CBX5: variants seen among roughly 807,000 people sequenced by gnomAD.
The protein encoded by CBX5 is chromobox protein homolog 5.
A neutral mutation model predicts 20.7 loss-of-function variants in CBX5; 7 were observed. The ratio of observed to expected loss-of-function variants is 0.34; its 90% CI spans 0.19 to 0.63. The LOEUF is 0.63. Among genes scored for constraint, CBX5 ranks in the 30% least tolerant of loss-of-function variants. The pLI is 0.75. For synonymous variants in CBX5, 78 were observed against 77.0 expected (o/e 1.01, Z -0.07); for missense variants, 110 against 224.1 (o/e 0.49, Z 3.25).
At chr12:54,275,619 G>A (rs1944056770) in intron 1 of CBX5, among the ~76,000 whole-genome samples, 1 of 152,078 alleles carries the variant, frequency 6.6e-6, no homozygotes, top group South Asian at 2.1e-4. Context: ...TGGAAGTTAG[G>A]ATTTCTAACT....
chr12:54,244,754 G>T (rs957818445), intron 4 of CBX5, among the ~76,000 whole-genome samples: 7 of 152,060 alleles, frequency 4.6e-5, no homozygotes, highest in African/African-American at 1.7e-4. Flanking sequence ...AAATTGAGAA[G>T]AACTACTTCC....
chr12:54,279,906 A>G (rs1163034315), intron 1 of CBX5, 102 bp downstream of exon 1: 1 of 110,404 alleles, frequency 9.1e-6, no homozygotes, highest in Admixed American at 1.0e-4. Context: ...CTGCCCCTTC[A>G]CTATCCCCCC....
In CBX5 at chr12:54,252,132, T is replaced by A; in HGVS notation, c.233A>T (p.Asn78Ile). 6.2e-7 allele frequency: 1 copy of A among 1,612,412 alleles called. No individual in the cohort carries two copies. Among genetic ancestry groups the A allele is most frequent in the Non-Finnish European group, 8.5e-7 (1 of 1,179,350 alleles). ...KKYKKMKEGE[N>I]NKPREKSESN... is the part of the protein sequence containing the mutation. ...TTCTGACTTCTCCCTGGGTTTATTATTTTCACCCTCCTTCATCTTCTTATA... is the reference window on the plus strand; with the variant it reads ...TTCTGACTTCTCCCTGGGTTTATTAATTTCACCCTCCTTCATCTTCTTATA... Residue 78 changes from asparagine to isoleucine, a missense_variant, in exon 3 of 5, where the codon AAT becomes ATT. Coordinates refer to ENST00000209875, the MANE Select transcript of CBX5 (RefSeq NM_012117.3).
chr12:54,255,811 G>A (rs980126839), intron 2 of CBX5: 4 of 152,242 alleles, frequency 2.6e-5, no homozygotes, highest in East Asian at 1.9e-4. Flanking sequence ...ACACCTGATC[G>A]GTTTAGTGCA....
intron 2 of CBX5, among the ~76,000 whole-genome samples, chr12:54,254,604 G>C (rs1420533550): frequency 6.6e-6 from 1 of 152,076 alleles, no homozygotes; most frequent in Non-Finnish European, 1.5e-5. Context: ...TCTAATCCCA[G>C]CACTTTGGGA....
chr12:54,236,436 T>C lies in CBX5; in HGVS notation c.*5319A>G, dbSNP rs1350206246. On this transcript the variant is annotated 3_prime_UTR_variant, in exon 5 of 5. Transcript: ENST00000209875. ...TGGAATTTAGAAAGCTTAATAAAAA[T>C]TGGGTGAGGGGGCATCTAATTCAGA... 4 of 152,124 alleles carry C rather than the reference T, an allele frequency of 2.6e-5. No individual in the cohort carries two copies. The highest frequency in any genetic ancestry group is 7.2e-5 in the African/African-American group (3 of 41,424). The allele number at this position is 152,124 out of a possible 1,614,324, so 9.4% of individuals were successfully genotyped here. A position where few individuals can be genotyped will look rare whatever the true frequency, so the allele number is the denominator to read the frequency against.
At position 54,241,538 on chromosome 12, in the gene CBX5, A is replaced by T. The variant is rs1330394994; in HGVS notation, c.*217T>A. 1.2e-5 allele frequency: 6 copies of T among 520,884 alleles called. No homozygotes were observed. Among genetic ancestry groups the T allele is most frequent in the Non-Finnish European group, 2.0e-5 (6 of 298,508 alleles). The allele number at this position is 520,884 out of a possible 1,614,324, so 32.3% of individuals were successfully genotyped here. On this transcript the variant is annotated 3_prime_UTR_variant, in exon 5 of 5. Coordinates refer to ENST00000209875, the MANE Select transcript of CBX5 (RefSeq NM_012117.3). ...AAAAATTGTGGGTATTACACTCAGT[A>T]TGTAAATGCCTGGTCTTCACAGAGA... is the stretch of plus-strand genomic sequence containing the variant.
At chr12:54,270,833 C>G (rs1483953364) in intron 1 of CBX5, among the ~76,000 whole-genome samples, 1 of 152,132 alleles carries the variant, frequency 6.6e-6, no homozygotes, top group African/African-American at 2.4e-5. Context: ...GAGAGGATCA[C>G]TTGAGCCCAG....
intron 4 of CBX5, among the ~76,000 whole-genome samples, chr12:54,242,520 G>A (rs1407585899): frequency 1.4e-4 from 9 of 63,378 alleles, no homozygotes; most frequent in South Asian, 7.3e-4. Flanking sequence ...GCAAGACTCC[G>A]TCTCAAAAAA....
chr12:54,267,947 C>T (rs1410013599), intron 1 of CBX5, among the ~76,000 whole-genome samples: 6 of 152,130 alleles, frequency 3.9e-5, no homozygotes, highest in Admixed American at 2.6e-4. Context: ...AATTCGAGAC[C>T]AGCCTGGCCA....
chr12:54,248,783 T>C (rs1400408744), intron 3 of CBX5, among the ~76,000 whole-genome samples: 2 of 152,238 alleles, frequency 1.3e-5, no homozygotes, highest in Non-Finnish European at 2.9e-5. Context: ...ATACAGGCAG[T>C]AATCTTAAAT....
chr12:54,274,720 A>T (rs1321673505), intron 1 of CBX5, among the ~76,000 whole-genome samples: 1 of 152,122 alleles, frequency 6.6e-6, no homozygotes, highest in African/African-American at 2.4e-5. Flanking sequence ...CGGTTGGATC[A>T]TGAGGTCAGT....
At position 54,240,850 on chromosome 12, in the gene CBX5, G is replaced by C. The variant is rs941089984; in HGVS notation, c.*905C>G. On this transcript the variant is annotated 3_prime_UTR_variant, in exon 5 of 5. Coordinates refer to ENST00000209875, the MANE Select transcript of CBX5 (RefSeq NM_012117.3). ...GTGCCTAGCACCTTGGCACAAGCAA[G>C]CACCAGGCAATCACTCACACCTACA... 2.0e-5 allele frequency: 3 copies of C among 152,066 alleles called. No individual in the cohort carries two copies. The highest frequency in any genetic ancestry group is 2.9e-5 in the Non-Finnish European group (2 of 68,036). The allele number at this position is 152,066 out of a possible 1,614,324, so 9.4% of individuals were successfully genotyped here.
intron 3 of CBX5, among the ~76,000 whole-genome samples, chr12:54,246,739 C>A (rs566402027): frequency 6.0e-5 from 9 of 149,734 alleles, no homozygotes; most frequent in Admixed American, 5.3e-4. Flanking sequence ...TGAGACCGCA[C>A]CACTGCATTC....
chr12:54,246,795 A>AG (rs1245100727), intron 3 of CBX5, among the ~76,000 whole-genome samples: 6 of 151,730 alleles, frequency 4.0e-5, no homozygotes, highest in African/African-American at 1.5e-4. Flanking sequence ...AAAAAAAAAA[A>AG]AAAAAGAAAA....
rs1196910251 is a variant in CBX5, at chr12:54,231,330, G to A, written c.*10425C>T. 1.9e-5 allele frequency: 3 copies of A among 154,604 alleles called. No individual in the cohort carries two copies. The highest frequency in any genetic ancestry group is 7.2e-5 in the African/African-American group (3 of 41,514). The allele number at this position is 154,604 out of a possible 1,614,324, so 9.6% of individuals were successfully genotyped here. On this transcript the variant is annotated 3_prime_UTR_variant, in exon 5 of 5. Coordinates refer to ENST00000209875, the MANE Select transcript of CBX5 (RefSeq NM_012117.3). ...TCTTGAGTCTCTTAGATCCCATCCT[G>A]TAGGAAGTGGTGGGAAAGCCAGCGG...
In CBX5 at chr12:54,232,202, TAAGTCTG is replaced by T. The variant is rs910434050; in HGVS notation, c.*9546_*9552del. 7 of 152,034 alleles carry T rather than the reference TAAGTCTG, an allele frequency of 4.6e-5. No homozygotes were observed. The highest frequency in any genetic ancestry group is 1.7e-4 in the African/African-American group (7 of 41,360). 9.4% of individuals were successfully genotyped at this position (152,034 alleles called of 1,614,324 possible). ...GTGCCTTCCCCAACAACATCCTAAG[TAAGTCTG>T]GACTAGTAAGATTCCAACATTCATG... On this transcript the variant is annotated 3_prime_UTR_variant, in exon 5 of 5. Transcript: ENST00000209875.
At chr12:54,252,793 T>C (rs1565869810) in intron 2 of CBX5, among the ~76,000 whole-genome samples, 1 of 151,980 alleles carries the variant, frequency 6.6e-6, no homozygotes, top group Non-Finnish European at 1.5e-5. Context: ...GAGACCAGCC[T>C]GGCCAACACA....
intron 2 of CBX5, among the ~76,000 whole-genome samples, chr12:54,255,335 G>A (rs571170792): frequency 2.0e-5 from 3 of 152,112 alleles, no homozygotes; most frequent in South Asian, 2.1e-4. Flanking sequence ...TGAGGTGGGC[G>A]AATCACAAGG....
Sources: allele counts gnomAD v4.1 joint callset (sites outside exome capture counted in the v4.1 genomes callset), GRCh38; gene constraint gnomAD v4.1.1; transcripts MANE v1.5; gene names NCBI Gene and HGNC (gene_info 2026-07-23, HGNC 2026-07-21).